The following DPH7 variants were observed in gnomAD, a reference collection of about 807,000 sequenced individuals.
The protein encoded by DPH7 is diphthine methyltransferase.
DPH7 carries 44 observed loss-of-function variants against 41.7 expected under a neutral mutation model. The observed-to-expected ratio is 1.05, with a 90% CI of 0.83 to 1.36. DPH7 has a LOEUF of 1.36. Among genes scored for constraint, DPH7 ranks in the 40% most tolerant of loss-of-function variants. DPH7 has a pLI of 0.00. For missense variants in DPH7, 629 were observed against 577.5 expected (o/e 1.09, Z -0.91); for synonymous variants, 275 against 238.0 (o/e 1.16, Z -1.43).
chr9:137,564,444 T>C lies in DPH7; in HGVS notation c.939A>G (p.Gln313=). Residue 313 remains glutamine, a synonymous_variant, in exon 8 of 9, where the codon CAA becomes CAG. Coordinates refer to ENST00000277540, the MANE Select transcript of DPH7 (RefSeq NM_138778.5). ...MHSGFKILNC[Q]KAMEERQEAT... is the part of the protein sequence containing the mutation. Reference sequence around the variant, plus strand: ...CGGGTCCCCACTCACCCATTGCCTTTTGGCAGTTGAGGATCTTAAAGCCAC... The same window carrying C: ...CGGGTCCCCACTCACCCATTGCCTTCTGGCAGTTGAGGATCTTAAAGCCAC... 1 of 1,613,250 alleles carries C rather than the reference T, an allele frequency of 6.2e-7. No homozygotes were observed. The highest frequency in any genetic ancestry group is 8.5e-7 in the Non-Finnish European group (1 of 1,179,530).
At chr9:137,559,515 C>CGT (rs1320616074) in intron 8 of DPH7, among the ~76,000 whole-genome samples, 1 of 152,216 alleles carries the variant, frequency 6.6e-6, no homozygotes, top group Non-Finnish European at 1.5e-5. Flanking sequence ...GAGGCCTAAC[C>CGT]GTCTCCCCGT....
chr9:137,564,871 C>CGAGA (rs1564430538), intron 7 of DPH7, 22 bp downstream of exon 7: 1 of 1,580,752 alleles, frequency 6.3e-7, no homozygotes, highest in Non-Finnish European at 8.6e-7. Flanking sequence ...GAGAAGGGCC[C>CGAGA]GAGAGCCTCC....
intron 8 of DPH7, 138 bp from the exon 9 acceptor site, chr9:137,555,786 G>T: frequency 1.0e-6 from 1 of 989,978 alleles, no homozygotes; most frequent in Non-Finnish European, 1.4e-6. Flanking sequence ...GTTGTGTCAT[G>T]CAAAGGAACC....
Position 137,564,535 on chromosome 9 carries a change from C to T in DPH7, c.848G>A (p.Gly283Asp). ...GTGCCACTTGATTCTCCATACCCCA[C>T]CCTGCACAGGCGTATCTGCCAACGG... Reference protein sequence around the residue: ...KQPLADTPVQGGVWRIKWHPF... With the variant: ...KQPLADTPVQDGVWRIKWHPF... Residue 283 changes from glycine (G) to aspartate (D), a missense_variant, in exon 8 of 9, where the codon GGT (glycine) becomes GAT (aspartate). Gly to Asp is a moderately conservative substitution (Grantham distance 94). Transcript: ENST00000277540. 5 of 1,614,168 alleles carry T rather than the reference C, an allele frequency of 3.1e-6. No individual in the cohort carries two copies. The highest frequency in any genetic ancestry group is 4.2e-6 in the Non-Finnish European group (5 of 1,180,012).
intron 8 of DPH7, among the ~76,000 whole-genome samples, chr9:137,563,798 G>A (rs1470501350): frequency 6.6e-6 from 1 of 152,150 alleles, no homozygotes; most frequent in African/African-American, 2.4e-5. Context: ...CAGGAGGGAA[G>A]AGGAGGTCCT....
intron 3 of DPH7, 133 bp from the exon 4 acceptor site, chr9:137,574,976 G>A (rs781356519): frequency 7.4e-6 from 11 of 1,478,100 alleles, no homozygotes; most frequent in Non-Finnish European, 9.9e-6. Flanking sequence ...CAGTCACTGA[G>A]TCACACCTCC....
rs1005323982 is a variant in DPH7, at chr9:137,554,921, T to G, written c.*318A>C. The G allele has an allele frequency of 3.6e-6, 1 of 274,742 alleles. No homozygotes were observed. The highest frequency in any genetic ancestry group is 6.8e-6 in the Non-Finnish European group (1 of 148,138). The allele number at this position is 274,742 out of a possible 1,614,324, so 17.0% of individuals were successfully genotyped here. ...AACTCGTGTTTTTCAAAAAACTTCATTTAATACAAATAGTTGCTTAAACAA... is the reference window on the plus strand; with the variant it reads ...AACTCGTGTTTTTCAAAAAACTTCAGTTAATACAAATAGTTGCTTAAACAA... On this transcript the variant is annotated 3_prime_UTR_variant, in exon 9 of 9. Coordinates refer to ENST00000277540, the MANE Select transcript of DPH7 (RefSeq NM_138778.5).
rs1837247086 is a variant in DPH7 at position 137,555,223 on chromosome 9, C to T, written c.*16G>A. 6.4e-7 allele frequency: 1 copy of T among 1,572,090 alleles called. No homozygotes were observed. The highest frequency in any genetic ancestry group is 1.4e-5 in the African/African-American group (1 of 74,048). On this transcript the variant is annotated 3_prime_UTR_variant, in exon 9 of 9. Transcript: ENST00000277540. ...CTCCTGGTTTCCTTGTGGGAAGGGG[C>T]TTCATGATTTCAAGCTCAGTTCCCC...
At chr9:137,559,382 C>T (rs1838113450) in intron 8 of DPH7, among the ~76,000 whole-genome samples, 1 of 152,220 alleles carries the variant, frequency 6.6e-6, no homozygotes, top group African/African-American at 2.4e-5. Flanking sequence ...GAAGGAAAAA[C>T]ACCCGCTACT....
intron 5 of DPH7, among the ~76,000 whole-genome samples, chr9:137,572,795 T>C (rs979372897): frequency 3.1e-4 from 47 of 152,368 alleles, no homozygotes; most frequent in African/African-American, 1.1e-3. Context: ...AGGAATCTTA[T>C]TTCTCTCATG....
intron 8 of DPH7, among the ~76,000 whole-genome samples, chr9:137,557,259 G>A (rs1430282011): frequency 6.6e-6 from 1 of 152,204 alleles, no homozygotes; most frequent in Non-Finnish European, 1.5e-5. Context: ...TGTAATCCCA[G>A]CACTTTGGGA....
Position 137,555,361 on chromosome 9 carries a change from T to C in DPH7, c.1237A>G (p.Thr413Ala), listed in dbSNP as rs1375694925. 6.2e-7 allele frequency: 1 copy of C among 1,614,200 alleles called. No homozygotes were observed. Among genetic ancestry groups the C allele is most frequent in the Non-Finnish European group, 8.5e-7 (1 of 1,180,030 alleles). The change falls in exon 9 of 9, where the codon ACA (threonine) becomes GCA (alanine). Residue 413 changes from threonine to alanine, a missense_variant. Physicochemically the swap from Thr to Ala is moderately conservative, Grantham distance 58 (BLOSUM62 0). Coordinates refer to ENST00000277540, the MANE Select transcript of DPH7 (RefSeq NM_138778.5). ...MRKNGTWLQA[T>A]AATTRDCGVN... ...CCACAGTCACGTGTGGTGGCTGCTG[T>C]AGCCTGCAGCCAGGTGCCATTCTTC...
At position 137,578,895 on chromosome 9, in the gene DPH7, A is replaced by G; in HGVS notation, c.-118T>C. ...CGGACGAGCGCAGAGCCCCAGGGAC[A>G]CCGTCAGCGCGGGCCGCCTCTCTCG... On this transcript the variant is annotated 5_prime_UTR_variant, in exon 1 of 9. Transcript: ENST00000277540. 1.8e-6 allele frequency: 2 copies of G among 1,112,738 alleles called. No homozygotes were observed. Among genetic ancestry groups the G allele is most frequent in the Non-Finnish European group, 2.3e-6 (2 of 868,382 alleles). 68.9% of individuals were successfully genotyped at this position (1,112,738 alleles called of 1,614,324 possible). A position where few individuals can be genotyped will look rare whatever the true frequency, so the allele number is the denominator to read the frequency against.
chr9:137,576,486 C>T (rs1841410174), intron 2 of DPH7: 1 of 285,620 alleles, frequency 3.5e-6, no homozygotes, highest in African/African-American at 2.1e-5. Context: ...ACTTGTAACC[C>T]CAACACTTTG....
chr9:137,562,025 T>G (rs1465331997), intron 8 of DPH7, among the ~76,000 whole-genome samples: 1 of 152,090 alleles, frequency 6.6e-6, no homozygotes. Context: ...CCACAGCGCC[T>G]GGCTAATTTT....
At chr9:137,561,866 CTTTCT>C (rs1198468898) in intron 8 of DPH7, among the ~76,000 whole-genome samples, 1 of 151,894 alleles carries the variant, frequency 6.6e-6, no homozygotes, top group Non-Finnish European at 1.5e-5. Context: ...CAATAGCCCA[CTTTCT>C]TTTATTTTTT....
chr9:137,574,462 C>G lies in DPH7; in HGVS notation c.468-82G>C, dbSNP rs760160664. 3 of 1,465,674 alleles carry G rather than the reference C, an allele frequency of 2.0e-6. No homozygotes were observed. The East Asian group carries it at 6.9e-5, about 34-fold the overall frequency. 90.8% of individuals were successfully genotyped at this position (1,465,674 alleles called of 1,614,324 possible). On this transcript the variant is annotated intron_variant, in intron 4 of 8. Transcript: ENST00000277540. The stretch of plus-strand genomic sequence containing the variant: ...TGGTTCCCAAACAAGTCCTGAGAGA[C>G]GGTCTCCACAGCCCTGGGATGCGGA...
At chr9:137,571,585 C>T (rs544895417) in intron 5 of DPH7, among the ~76,000 whole-genome samples, 6 of 152,072 alleles carry the variant, frequency 3.9e-5, no homozygotes, top group South Asian at 2.1e-4. Flanking sequence ...CCTAGGCATT[C>T]GAGACCAGCC....
chr9:137,569,166 A>C (rs1201176190), intron 5 of DPH7, among the ~76,000 whole-genome samples: 1 of 152,022 alleles, frequency 6.6e-6, no homozygotes. Flanking sequence ...GAAGAAGATC[A>C]GAAGGAAAAC....
Sources: gnomAD v4.1 joint callset for allele counts (sites outside exome capture counted in the v4.1 genomes callset) on GRCh38, gnomAD v4.1.1 for gene constraint, MANE v1.5 for transcripts, NCBI Gene and HGNC (gene_info 2026-07-23, HGNC 2026-07-21) for gene names.